The following DAB1 variants were observed in gnomAD, a reference collection of about 807,000 sequenced individuals.
DAB1 encodes DAB adaptor protein 1.
Under a neutral mutation model 64.6 loss-of-function variants are expected in DAB1, and 15 were observed. The observed-to-expected ratio is 0.23, with a 90% CI of 0.16 to 0.36. The LOEUF (loss-of-function observed/expected upper bound fraction) is 0.36. Ranked by LOEUF, DAB1 falls within the 10% of genes least tolerant of loss-of-function variation. The probability of loss-of-function intolerance (pLI) is 1.00; values close to 1 mark genes in which losing one functional copy is unlikely to be tolerated. For missense variants in DAB1, 596 were observed against 706.7 expected (o/e 0.84, Z 1.78); for synonymous variants, 235 against 251.9 (o/e 0.93, Z 0.64).
At chr1:57,540,800 C>T (rs978861099) in intron 7 of DAB1, among the ~76,000 whole-genome samples, 2 of 152,026 alleles carry the variant, frequency 1.3e-5, no homozygotes, top group African/African-American at 4.8e-5. Flanking sequence ...TGATAGTTAC[C>T]AGAGGCCAGG....
At chr1:57,614,818 C>T (rs1645769781) in intron 7 of DAB1, among the ~76,000 whole-genome samples, 1 of 149,580 alleles carries the variant, frequency 6.7e-6, no homozygotes, top group Non-Finnish European at 1.5e-5. Flanking sequence ...ATTGTAAAAG[C>T]TGTTGATTTC....
chr1:57,491,818 G>C (rs1644169349), intron 7 of DAB1, among the ~76,000 whole-genome samples: 2 of 152,178 alleles, frequency 1.3e-5, no homozygotes, highest in Non-Finnish European at 2.9e-5. Context: ...AGAGAGAAAA[G>C]GGAGCTCTTT....
At chr1:57,848,784 T>A (rs549375782) in intron 1 of DAB1, among the ~76,000 whole-genome samples, 1 of 152,270 alleles carries the variant, frequency 6.6e-6, no homozygotes, top group South Asian at 2.1e-4. Flanking sequence ...CTGCATGTGG[T>A]GGTCATGGGC....
intron 3 of DAB1, among the ~76,000 whole-genome samples, chr1:58,433,596 A>T (rs12734086): frequency 0.42 from 33,013 of 78,648 alleles, 6,006 homozygotes; most frequent in Middle Eastern, 0.5. Context: ...AGAGAGAGAG[A>T]GTGTGTGTGT....
At chr1:57,512,047 T>A (rs2101351263) in intron 7 of DAB1, among the ~76,000 whole-genome samples, 1 of 152,318 alleles carries the variant, frequency 6.6e-6, no homozygotes, top group Non-Finnish European at 1.5e-5. Context: ...ATAGAAACTA[T>A]GTCCTCCATT....
intron 3 of DAB1, among the ~76,000 whole-genome samples, chr1:58,350,071 C>T (rs1379401118): frequency 1.3e-5 from 2 of 152,324 alleles, no homozygotes; most frequent in South Asian, 2.1e-4. Flanking sequence ...TACACTCCCA[C>T]CAAATGTGTA....
chr1:57,639,755 T>C (rs1435791617), intron 7 of DAB1, among the ~76,000 whole-genome samples: 2 of 152,018 alleles, frequency 1.3e-5, no homozygotes, highest in East Asian at 3.9e-4. Context: ...GTGCTTACAG[T>C]CTAATGTACT....
intron 10 of DAB1, among the ~76,000 whole-genome samples, chr1:57,025,163 G>A (rs889256569): frequency 4.6e-5 from 7 of 152,220 alleles, no homozygotes; most frequent in South Asian, 2.1e-4. Context: ...GCCCTCCTCC[G>A]GGAATGGGCA....
rs542435922 is a variant in DAB1 at position 57,212,252 on chromosome 1, G to T, written c.68-66823C>A. 3.0e-4 allele frequency among the ~76,000 whole-genome samples: 45 copies of T among 151,568 alleles called. No homozygotes were observed. In the Middle Eastern group the frequency reaches 0.01, roughly 34 times the overall value. On this transcript the variant is annotated intron_variant, in intron 2 of 14. Coordinates refer to ENST00000371236, the MANE Select transcript of DAB1 (RefSeq NM_001365792.1). ...AGACCCCCAGTGAGGAGAAGCAAATGGTCCGAGATTAGGTGGTTAGAGAAA... is the reference window on the plus strand; with the variant it reads ...AGACCCCCAGTGAGGAGAAGCAAATTGTCCGAGATTAGGTGGTTAGAGAAA...
chr1:58,541,653 A>G (rs905242710), intron 1 of DAB1: 9 of 150,316 alleles, frequency 6.0e-5, no homozygotes, highest in Admixed American at 6.0e-4. Flanking sequence ...CAAAAACAAA[A>G]AACAAAAAAA....
In DAB1 at chr1:58,147,306, C is replaced by CAA. The variant is rs1192982112; in HGVS notation, n.387+3203_387+3204dup. ...TGGGCAACAGAGCAAGACTCCGTCT[C>CAA]AAAAAAAAAAAAAAAAAAAAAGTAC... On this transcript the variant is annotated intron_variant and non_coding_transcript_variant, in intron 5 of 20. Coordinates refer to the DAB1 transcript ENST00000485760. 3.0e-3 allele frequency among the ~76,000 whole-genome samples: 124 copies of CAA among 41,634 alleles called. 4 individuals are homozygous for CAA. The highest frequency in any genetic ancestry group is 8.9e-3 in the African/African-American group (84 of 9,420). 27.3% of individuals were successfully genotyped at this position (41,634 alleles called of 152,430 possible). A position where few individuals can be genotyped will look rare whatever the true frequency, so the allele number is the denominator to read the frequency against.
At chr1:57,248,243 G>T (rs1669038181) in intron 2 of DAB1, among the ~76,000 whole-genome samples, 1 of 151,648 alleles carries the variant, frequency 6.6e-6, no homozygotes, top group Non-Finnish European at 1.5e-5. Context: ...TTGTTGTTTT[G>T]TTATTTTTAT....
intron 5 of DAB1, among the ~76,000 whole-genome samples, chr1:58,035,973 G>A (rs1173463744): frequency 6.6e-6 from 1 of 152,176 alleles, no homozygotes; most frequent in Admixed American, 6.5e-5. Context: ...TCCGTGTACG[G>A]TTGATGTTAA....
intron 6 of DAB1, among the ~76,000 whole-genome samples, chr1:57,714,030 A>G (rs1352104257): frequency 6.6e-6 from 1 of 152,292 alleles, no homozygotes. Flanking sequence ...AGATGATACA[A>G]CTACATTCCA....
At chr1:57,986,473 C>T (rs1182035708) in intron 5 of DAB1, among the ~76,000 whole-genome samples, 2 of 152,174 alleles carry the variant, frequency 1.3e-5, no homozygotes, top group Non-Finnish European at 2.9e-5. Flanking sequence ...AGCCTTTAGA[C>T]ATGTACAAAA....
chr1:57,193,487 C>T (rs925744068), intron 2 of DAB1, among the ~76,000 whole-genome samples: 10 of 145,564 alleles, frequency 6.9e-5, no homozygotes, highest in Admixed American at 3.0e-4. Context: ...CCCGGGTTCA[C>T]GCCATTCTCC....
At chr1:58,316,170 C>G (rs1229260738) in intron 4 of DAB1, among the ~76,000 whole-genome samples, 1 of 152,122 alleles carries the variant, frequency 6.6e-6, no homozygotes, top group Non-Finnish European at 1.5e-5. Flanking sequence ...CTACAGCACT[C>G]AATACATGGT....
At chr1:58,115,931 A>G (rs1464407714) in intron 5 of DAB1, among the ~76,000 whole-genome samples, 21 of 142,874 alleles carry the variant, frequency 1.5e-4, no homozygotes, top group Non-Finnish European at 2.9e-4. Context: ...TGGCACATGT[A>G]TACATATGTA....
rs903859761 is a variant in DAB1 at position 57,819,945 on chromosome 1, C to A, written n.551+64054G>T. ...TAGTGCTATTTAGAAAAGAGTATTT[C>A]TTTGGTAGTTCCTTAATAATAATAA... is the stretch of plus-strand genomic sequence containing the variant. On this transcript the variant is annotated intron_variant and non_coding_transcript_variant, in intron 6 of 20. Coordinates refer to the DAB1 transcript ENST00000485760. Among the ~76,000 whole-genome samples the A allele has an allele frequency of 3.3e-5, 5 of 152,280 alleles. No individual in the cohort carries two copies. In the South Asian group the frequency reaches 1.0e-3, roughly 32 times the overall value.
Sources: gnomAD v4.1 joint callset for allele counts (sites outside exome capture counted in the v4.1 genomes callset) on GRCh38, gnomAD v4.1.1 for gene constraint, MANE v1.5 for transcripts, NCBI Gene and HGNC (gene_info 2026-07-23, HGNC 2026-07-21) for gene names.